DAB1: variants seen among roughly 807,000 people sequenced by gnomAD.
DAB1 encodes DAB adaptor protein 1, also known as disabled homolog 1.
DAB1 carries 15 observed loss-of-function variants against 64.6 expected under a neutral mutation model. That is an observed-to-expected ratio of 0.23 (90% confidence interval 0.16 to 0.36). The LOEUF is 0.36. Ranked by LOEUF, DAB1 falls within the 10% of genes least tolerant of loss-of-function variation. The probability of loss-of-function intolerance (pLI) is 1.00; values close to 1 mark genes in which losing one functional copy is unlikely to be tolerated. For synonymous variants in DAB1, 235 were observed against 251.9 expected (o/e 0.93, Z 0.64); for missense variants, 596 against 706.7 (o/e 0.84, Z 1.78).
intron 7 of DAB1, among the ~76,000 whole-genome samples, chr1:57,617,845 C>A (rs777604484): frequency 6.6e-4 from 101 of 152,158 alleles, no homozygotes; most frequent in Non-Finnish European, 1.3e-3. Context: ...CAAAAGGTAC[C>A]TGGGTTCTAT....
intron 7 of DAB1, among the ~76,000 whole-genome samples, chr1:57,435,022 ACT>A (rs1334787767): frequency 9.2e-5 from 12 of 130,484 alleles, no homozygotes; most frequent in African/African-American, 3.1e-4. Flanking sequence ...TTTAAGCTTG[ACT>A]CTCTTTTTCT....
intron 5 of DAB1, among the ~76,000 whole-genome samples, chr1:57,976,557 A>C (rs934801653): frequency 3.9e-5 from 6 of 152,124 alleles, no homozygotes; most frequent in Non-Finnish European, 7.4e-5. Flanking sequence ...CCAAACATTC[A>C]TCAGGCTCAT....
At chr1:57,074,781 C>A (rs1651831328) in intron 4 of DAB1, among the ~76,000 whole-genome samples, 1 of 152,204 alleles carries the variant, frequency 6.6e-6, no homozygotes, top group Non-Finnish European at 1.5e-5. Flanking sequence ...ATGTATAAGT[C>A]TAATGGTTTT....
In DAB1 at chr1:58,474,472, T is replaced by C. The variant is rs116831138; in HGVS notation, n.257+31588A>G. 4.2e-3 allele frequency among the ~76,000 whole-genome samples: 647 copies of C among 152,274 alleles called. 6 individuals are homozygous for C. Among genetic ancestry groups the C allele is most frequent in the African/African-American group, 0.015 (618 of 41,550 alleles). On this transcript the variant is annotated intron_variant and non_coding_transcript_variant, in intron 3 of 20. Coordinates refer to the DAB1 transcript ENST00000485760. ...GAGAGAAGGAGTTGGTTCATTGTGA[T>C]AAGCTCAGGTCAAAGCTGGTGGCCC...
intron 7 of DAB1, among the ~76,000 whole-genome samples, chr1:57,634,818 G>A (rs912620821): frequency 1.3e-5 from 2 of 152,212 alleles, no homozygotes; most frequent in African/African-American, 2.4e-5. Flanking sequence ...TAATGGTGGT[G>A]AAAATGTTTT....
At chr1:58,325,475 A>C (rs1473976033) in intron 4 of DAB1, among the ~76,000 whole-genome samples, 1 of 152,212 alleles carries the variant, frequency 6.6e-6, no homozygotes, top group Non-Finnish European at 1.5e-5. Context: ...ATTATAAAAC[A>C]ATATAATTTA....
intron 6 of DAB1, among the ~76,000 whole-genome samples, chr1:57,781,327 A>T (rs1650088839): frequency 6.6e-6 from 1 of 151,558 alleles, no homozygotes; most frequent in African/African-American, 2.4e-5. Flanking sequence ...CACTTAAACT[A>T]CTTGAAGAAT....
chr1:57,777,755 A>G (rs1469014173), intron 6 of DAB1, among the ~76,000 whole-genome samples: 1 of 152,040 alleles, frequency 6.6e-6, no homozygotes, highest in Non-Finnish European at 1.5e-5. Flanking sequence ...TTGTTGATCT[A>G]TAACTATTTA....
At chr1:58,167,094 G>GT (rs1386704103) in intron 4 of DAB1, among the ~76,000 whole-genome samples, 7 of 151,468 alleles carry the variant, frequency 4.6e-5, no homozygotes, top group Non-Finnish European at 8.8e-5. Flanking sequence ...CATAATGGCT[G>GT]TATCATTTTA....
At chr1:58,217,606 T>C (rs1002096928) in intron 4 of DAB1, among the ~76,000 whole-genome samples, 8 of 152,220 alleles carry the variant, frequency 5.3e-5, no homozygotes. Flanking sequence ...ATAGGAACTT[T>C]ACTGACTTAT....
chr1:57,507,624 G>A (rs965389109), intron 7 of DAB1, among the ~76,000 whole-genome samples: 58 of 152,112 alleles, frequency 3.8e-4, no homozygotes, highest in African/African-American at 1.2e-3. Context: ...CTTTCCCTCT[G>A]ACAAGTAGAG....
chr1:57,294,335 A>C (rs1473579925), intron 1 of DAB1, among the ~76,000 whole-genome samples: 1 of 152,170 alleles, frequency 6.6e-6, no homozygotes, highest in African/African-American at 2.4e-5. Context: ...TCAAATCTAA[A>C]TGTGAATTAT....
At chr1:57,839,778 C>T (rs945503847) in intron 1 of DAB1, among the ~76,000 whole-genome samples, 2 of 152,228 alleles carry the variant, frequency 1.3e-5, no homozygotes, top group Non-Finnish European at 2.9e-5. Flanking sequence ...GTCAATCCAT[C>T]AGCTAGCCCT....
intron 3 of DAB1, among the ~76,000 whole-genome samples, chr1:58,402,732 C>T (rs144366646): frequency 6.6e-6 from 1 of 152,208 alleles, no homozygotes; most frequent in East Asian, 1.9e-4. Flanking sequence ...GTTAGTGTCA[C>T]GTACTAGGCA....
intron 3 of DAB1, among the ~76,000 whole-genome samples, chr1:58,357,503 A>G (rs774441038): frequency 1.6e-4 from 25 of 152,184 alleles, no homozygotes; most frequent in Admixed American, 6.5e-4. Flanking sequence ...AGAAAGTCCA[A>G]TAGGCACTGG....
chr1:57,166,987 G>A (rs1661264116), intron 2 of DAB1, among the ~76,000 whole-genome samples: 1 of 152,124 alleles, frequency 6.6e-6, no homozygotes, highest in Admixed American at 6.5e-5. Flanking sequence ...AAATTTGAGT[G>A]CCAGCTCAGA....
intron 6 of DAB1, among the ~76,000 whole-genome samples, chr1:57,796,767 C>A (rs1438975704): frequency 1.3e-5 from 2 of 152,060 alleles, no homozygotes; most frequent in Non-Finnish European, 2.9e-5. Context: ...TCCTCCTCTC[C>A]CTGTGGCTGG....
At chr1:57,244,812 C>G (rs1055069224) in intron 2 of DAB1, among the ~76,000 whole-genome samples, 15 of 152,176 alleles carry the variant, frequency 9.9e-5, no homozygotes, top group Non-Finnish European at 2.1e-4. Flanking sequence ...TTTATGTAGA[C>G]TCATAAAGCA....
chr1:57,368,909 C>T (rs1022900126), intron 1 of DAB1, among the ~76,000 whole-genome samples: 2 of 152,142 alleles, frequency 1.3e-5, no homozygotes, highest in Admixed American at 1.3e-4. Context: ...CACTTCCAAC[C>T]TCCCAGACCT....
Sources: allele counts gnomAD v4.1 joint callset (sites outside exome capture counted in the v4.1 genomes callset), GRCh38; gene constraint gnomAD v4.1.1; transcripts MANE v1.5; gene names NCBI Gene and HGNC (gene_info 2026-07-23, HGNC 2026-07-21).